Variants in MAP2K5 observed in about 807,000 individuals in gnomAD.
The protein encoded by MAP2K5 is mitogen-activated protein kinase kinase 5.
Under a neutral mutation model 83.1 loss-of-function variants are expected in MAP2K5, and 49 were observed. That is an observed-to-expected ratio of 0.59 (90% CI 0.47 to 0.75). MAP2K5 has a LOEUF of 0.75. Ranked by LOEUF, MAP2K5 falls within the 30% of genes least tolerant of loss-of-function variation. The probability of loss-of-function intolerance (pLI) is 0.00; values close to 1 mark genes in which losing one functional copy is unlikely to be tolerated. For synonymous variants in MAP2K5, 202 were observed against 191.8 expected (o/e 1.05, Z -0.44); for missense variants, 457 against 557.5 (o/e 0.82, Z 1.82).
rs752427468 is a variant in MAP2K5 at position 67,746,102 on chromosome 15, A to T, written c.1075-2129A>T. Among the ~76,000 whole-genome samples the T allele has an allele frequency of 8.5e-5, 13 of 152,200 alleles. No homozygotes were observed. Among genetic ancestry groups the T allele is most frequent in the Non-Finnish European group, 1.6e-4 (11 of 68,036 alleles). On this transcript the variant is annotated intron_variant, in intron 17 of 21. Coordinates refer to ENST00000178640, the MANE Select transcript of MAP2K5 (RefSeq NM_145160.3). The surrounding 1 kb of genome is among the most constrained non-coding windows in gnomAD (Gnocchi z 4.1). ...GCATAAATAGTACAGTTTTAAGTTG[A>T]CTTAGACTAAGCTTTTAACCTGCAA...
chr15:67,555,642 A>C lies in MAP2K5; in HGVS notation c.184+5560A>C, dbSNP rs1420432946. On this transcript the variant is annotated intron_variant, in intron 2 of 21. Coordinates refer to ENST00000178640, the MANE Select transcript of MAP2K5 (RefSeq NM_145160.3). This position sits in a 1 kb window ranked among gnomAD's most constrained non-coding sequence, Gnocchi z 5.2. ...AGAAGGCCCATTTCCCTCCAACCCC[A>C]TCAACTCTGGATATTAGCAAACCTT... Among the ~76,000 whole-genome samples, 1 of 152,184 alleles carries C rather than the reference A, an allele frequency of 6.6e-6. No homozygotes were observed. Among genetic ancestry groups the C allele is most frequent in the Non-Finnish European group, 1.5e-5 (1 of 68,032 alleles).
chr15:67,675,361 G>A (rs1463628766), intron 13 of MAP2K5, among the ~76,000 whole-genome samples: 1 of 152,200 alleles, frequency 6.6e-6, no homozygotes, highest in African/African-American at 2.4e-5. Context: ...CATAGTGTAT[G>A]ATTCCATTTG....
Position 67,698,399 on chromosome 15 carries a change from A to AT in MAP2K5, c.972+4832dup, listed in dbSNP as rs2088319983. Among the ~76,000 whole-genome samples, 4 of 152,086 alleles carry AT rather than the reference A, an allele frequency of 2.6e-5. No homozygotes were observed. Among genetic ancestry groups the AT allele is most frequent in the Admixed American group, 1.3e-4 (2 of 15,268 alleles). ...GATGGGGGGTTGCGCCATGTTGGCC[A>AT]TGCTGGTCTCGAACTCCTGGCCTCA... is the stretch of plus-strand genomic sequence containing the variant. On this transcript the variant is annotated intron_variant, in intron 15 of 21. Transcript: ENST00000178640. This position sits in a 1 kb window ranked among gnomAD's most constrained non-coding sequence, Gnocchi z 4.5.
chr15:67,608,664 A>C (rs2085835828), intron 8 of MAP2K5, among the ~76,000 whole-genome samples: 1 of 152,176 alleles, frequency 6.6e-6, no homozygotes, highest in Admixed American at 6.5e-5. Context: ...TCTCTGAGAA[A>C]GAGAAGATTA....
In MAP2K5 at chr15:67,668,236, T is replaced by G. The variant is rs1485397280; in HGVS notation, c.847+3591T>G. Among the ~76,000 whole-genome samples the G allele has an allele frequency of 6.6e-6, 1 of 152,182 alleles. No homozygotes were observed. The highest frequency in any genetic ancestry group is 1.5e-5 in the Non-Finnish European group (1 of 68,036). On this transcript the variant is annotated intron_variant, in intron 13 of 21. Coordinates refer to ENST00000178640, the MANE Select transcript of MAP2K5 (RefSeq NM_145160.3). This position sits in a 1 kb window ranked among gnomAD's most constrained non-coding sequence, Gnocchi z 4.0. The stretch of plus-strand genomic sequence containing the variant: ...AATCACTTTATTCAGTTAATAAGAA[T>G]ACACCACTCCAAAACCAAGCCAGGG...
chr15:67,637,315 G>A lies in MAP2K5; in HGVS notation c.585+6388G>A, dbSNP rs2086622930. Among the ~76,000 whole-genome samples, 1 of 152,108 alleles carries A rather than the reference G, an allele frequency of 6.6e-6. No homozygotes were observed. Among genetic ancestry groups the A allele is most frequent in the African/African-American group, 2.4e-5 (1 of 41,414 alleles). ...TCTAGAGAACCCTGACTAATACAGA[G>A]ATGGTATTTAGTTACTTTTGAATAA... is the stretch of plus-strand genomic sequence containing the variant. On this transcript the variant is annotated intron_variant, in intron 9 of 21. Transcript: ENST00000178640. This position sits in a 1 kb window ranked among gnomAD's most constrained non-coding sequence, Gnocchi z 4.5.
chr15:67,637,387 G>T lies in MAP2K5; in HGVS notation c.585+6460G>T, dbSNP rs2086625312. Among the ~76,000 whole-genome samples the T allele has an allele frequency of 6.6e-6, 1 of 152,112 alleles. No individual in the cohort carries two copies. Among genetic ancestry groups the T allele is most frequent in the African/African-American group, 2.4e-5 (1 of 41,424 alleles). On this transcript the variant is annotated intron_variant, in intron 9 of 21. Transcript: ENST00000178640. This position sits in a 1 kb window ranked among gnomAD's most constrained non-coding sequence, Gnocchi z 4.5. ...TTTTAAGTTTTATTAGACAGTACCA[G>T]CCCAGTGGTTAGTCTAGAACTAATT...
At chr15:67,604,721 C>G (rs533607867) in intron 8 of MAP2K5, among the ~76,000 whole-genome samples, 1 of 151,990 alleles carries the variant, frequency 6.6e-6, no homozygotes, top group East Asian at 1.9e-4. Context: ...ATAGTGAAAC[C>G]CCGACTCTAC....
chr15:67,670,579 T>C (rs1217504642), intron 13 of MAP2K5: 2 of 366,578 alleles, frequency 5.5e-6, no homozygotes, highest in Non-Finnish European at 1.1e-5. Context: ...AAAGAAGTTT[T>C]CCCTGCCAAA....
At position 67,653,390 on chromosome 15, in the gene MAP2K5, G is replaced by A. The variant is rs570942873; in HGVS notation, c.737-5163G>A. ...AACCTCTGCCTCCTGGGTTCAAGCC[G>A]TTCTCCTGCCTCAGCCTCCAGAGTA... On this transcript the variant is annotated intron_variant, in intron 11 of 21. Coordinates refer to ENST00000178640, the MANE Select transcript of MAP2K5 (RefSeq NM_145160.3). Among the ~76,000 whole-genome samples, 125 of 151,538 alleles carry A rather than the reference G, an allele frequency of 8.2e-4. 1 individual carries two copies. The highest frequency in any genetic ancestry group is 2.9e-3 in the African/African-American group (121 of 41,332).
Position 67,577,347 on chromosome 15 carries a change from G to A in MAP2K5, c.253-3407G>A, listed in dbSNP as rs932280710. On this transcript the variant is annotated intron_variant, in intron 3 of 21. Coordinates refer to ENST00000178640, the MANE Select transcript of MAP2K5 (RefSeq NM_145160.3). This position sits in a 1 kb window ranked among gnomAD's most constrained non-coding sequence, Gnocchi z 4.1. ...CACAAGTTAATGAGTGGCAGACTTA[G>A]AATTCAACCCCATTTCAATCAGTAA... Among the ~76,000 whole-genome samples the A allele has an allele frequency of 6.6e-6, 1 of 152,186 alleles. No individual in the cohort carries two copies. The highest frequency in any genetic ancestry group is 1.5e-5 in the Non-Finnish European group (1 of 68,028).
intron 19 of MAP2K5, among the ~76,000 whole-genome samples, chr15:67,759,623 C>T (rs2089911654): frequency 6.6e-6 from 1 of 151,880 alleles, no homozygotes; most frequent in Admixed American, 6.6e-5. Context: ...ATAATATCCA[C>T]TCATCTTTTA....
intron 7 of MAP2K5, among the ~76,000 whole-genome samples, chr15:67,595,697 C>G (rs11630805): frequency 0.12 from 18,434 of 152,104 alleles, 1,225 homozygotes; most frequent in East Asian, 0.2. Flanking sequence ...TTCCTGTTAT[C>G]ACTTTATGTT....
At chr15:67,630,533 G>A (rs1287091808) in intron 8 of MAP2K5, among the ~76,000 whole-genome samples, 1 of 152,202 alleles carries the variant, frequency 6.6e-6, no homozygotes, top group Non-Finnish European at 1.5e-5. Context: ...CACAGTGACA[G>A]TCATAAGGGA....
intron 19 of MAP2K5, among the ~76,000 whole-genome samples, chr15:67,761,115 G>T (rs562837475): frequency 6.6e-6 from 1 of 151,806 alleles, no homozygotes; most frequent in African/African-American, 2.4e-5. Flanking sequence ...AAATGGAAGC[G>T]TCTGGGCCCA....
chr15:67,549,089 C>G, intron 1 of MAP2K5: 1 of 1,531,446 alleles, frequency 6.5e-7, no homozygotes, highest in South Asian at 1.2e-5. Flanking sequence ...AGCCGGCTGC[C>G]TGGTGCCAGT....
intron 8 of MAP2K5, among the ~76,000 whole-genome samples, chr15:67,612,896 C>T (rs2085961421): frequency 6.6e-6 from 1 of 152,178 alleles, no homozygotes; most frequent in Non-Finnish European, 1.5e-5. Flanking sequence ...TTGATTTCAG[C>T]ATTGATTTTG....
At chr15:67,584,673 T>A (rs12912155) in intron 4 of MAP2K5, among the ~76,000 whole-genome samples, 2 of 91,538 alleles carry the variant, frequency 2.2e-5, no homozygotes, top group Non-Finnish European at 2.0e-5. Context: ...TATCTTCTCC[T>A]TTTTTTTTTT....
Position 67,587,320 on chromosome 15 carries a change from C to T in MAP2K5, c.431+407C>T, listed in dbSNP as rs2085310637. On this transcript the variant is annotated intron_variant, in intron 6 of 21. Transcript: ENST00000178640. This position sits in a 1 kb window ranked among gnomAD's most constrained non-coding sequence, Gnocchi z 4.8. ...AGCTAAGGAGGTAGACAGGACTTAT[C>T]ATGCGGGGCCTCGTAGGCCCTGTAA... Among the ~76,000 whole-genome samples, 2 of 152,142 alleles carry T rather than the reference C, an allele frequency of 1.3e-5. No individual in the cohort carries two copies. The highest frequency in any genetic ancestry group is 2.4e-5 in the African/African-American group (1 of 41,432).
Sources: gnomAD v4.1 joint callset for allele counts (sites outside exome capture counted in the v4.1 genomes callset) on GRCh38, gnomAD v4.1.1 for gene constraint, Gnocchi (gnomAD v3.1) non-coding constraint, MANE v1.5 for transcripts, NCBI Gene and HGNC (gene_info 2026-07-23, HGNC 2026-07-21) for gene names.